The following TRIM44 variants were observed in gnomAD, a reference collection of about 807,000 sequenced individuals.
TRIM44 encodes tripartite motif containing 44.
In TRIM44, 13 loss-of-function variants were observed where a neutral mutation model predicts 37.4. The observed-to-expected ratio is 0.35, with a 90% CI of 0.23 to 0.55. The LOEUF is 0.55. TRIM44 is among the 20% of genes least tolerant of loss of function. The pLI is 0.89. For missense variants in TRIM44, 426 were observed against 437.2 expected, an observed-to-expected ratio of 0.97 and a Z score of 0.23; for synonymous variants, 175 against 157.2, an observed-to-expected ratio of 1.11 and a Z score of -0.85.
rs181859549 is a variant in TRIM44 at position 35,752,823 on chromosome 11, G to A, written c.1007+17378G>A. Among the ~76,000 whole-genome samples, 281 of 152,280 alleles carry A rather than the reference G, an allele frequency of 1.8e-3. 2 individuals are homozygous for A. Among genetic ancestry groups the A allele is most frequent in the African/African-American group, 6.5e-3 (270 of 41,558 alleles). The stretch of plus-strand genomic sequence containing the variant: ...GTTCTCTCGCTTCATCCAGGTGTCT[G>A]CTGAAATACTACTACTTTAGAATAA... On this transcript the variant is annotated intron_variant, in intron 4 of 4. Transcript: ENST00000299413.
chr11:35,780,921 A>G (rs1489122349), intron 4 of TRIM44, among the ~76,000 whole-genome samples: 1 of 152,186 alleles, frequency 6.6e-6, no homozygotes, highest in Non-Finnish European at 1.5e-5. Flanking sequence ...TACAGGGTGA[A>G]CAAATCAGAT....
chr11:35,808,917 TAGAG>T lies in TRIM44; in HGVS notation c.*2535_*2538del, dbSNP rs1275032113. 1 of 152,214 alleles carries T rather than the reference TAGAG, an allele frequency of 6.6e-6. No individual in the cohort carries two copies. Among genetic ancestry groups the T allele is most frequent in the Non-Finnish European group, 1.5e-5 (1 of 68,066 alleles). The allele number at this position is 152,214 out of a possible 1,614,324, so 9.4% of individuals were successfully genotyped here. ...TCCCTCCTGCCAGGTCAGTAAAAGTTAGAGAGCTCAGAATTGGGTCTTGCCTGGG... is the reference window on the plus strand; with the variant it reads ...TCCCTCCTGCCAGGTCAGTAAAAGTTAGCTCAGAATTGGGTCTTGCCTGGG... On this transcript the variant is annotated 3_prime_UTR_variant, in exon 5 of 5. Coordinates refer to ENST00000299413, the MANE Select transcript of TRIM44 (RefSeq NM_017583.6).
intron 2 of TRIM44, among the ~76,000 whole-genome samples, chr11:35,691,871 T>A (rs1288390718): frequency 6.6e-6 from 1 of 152,150 alleles, no homozygotes; most frequent in Non-Finnish European, 1.5e-5. Context: ...GGTCTCGATC[T>A]CCTGACCTCG....
chr11:35,762,979 C>G (rs564393711), intron 4 of TRIM44, among the ~76,000 whole-genome samples: 24 of 152,244 alleles, frequency 1.6e-4, no homozygotes, highest in African/African-American at 5.8e-4. Context: ...CTTCTTTGTG[C>G]AAGGCACTAT....
In TRIM44 at chr11:35,774,994, C is replaced by A. The variant is rs964275438; in HGVS notation, c.1008-31364C>A. Among the ~76,000 whole-genome samples the A allele has an allele frequency of 4.6e-5, 7 of 152,092 alleles. 1 individual carries two copies. The highest frequency in any genetic ancestry group is 4.1e-4 in the South Asian group (2 of 4,826). ...ATGAACTTTAAAGTAGTTTTTTCCA[C>A]TTCTGTGAAGAAAGTCATTGGTAGC... On this transcript the variant is annotated intron_variant, in intron 4 of 4. Coordinates refer to ENST00000299413, the MANE Select transcript of TRIM44 (RefSeq NM_017583.6).
intron 1 of TRIM44, among the ~76,000 whole-genome samples, chr11:35,676,523 A>G (rs1851462206): frequency 6.6e-6 from 1 of 152,208 alleles, no homozygotes; most frequent in African/African-American, 2.4e-5. Flanking sequence ...CACAGCTGGT[A>G]GGTCTAATTT....
intron 2 of TRIM44, among the ~76,000 whole-genome samples, chr11:35,713,365 G>A (rs1852002412): frequency 6.6e-6 from 1 of 152,204 alleles, no homozygotes; most frequent in Non-Finnish European, 1.5e-5. Flanking sequence ...CGAGGCTAAA[G>A]ATGCTAGTAA....
At chr11:35,675,847 C>A (rs1851454253) in intron 1 of TRIM44, among the ~76,000 whole-genome samples, 1 of 152,016 alleles carries the variant, frequency 6.6e-6, no homozygotes, top group African/African-American at 2.4e-5. Context: ...TTAAAGGGAA[C>A]TCTCGAGAAG....
intron 2 of TRIM44, among the ~76,000 whole-genome samples, chr11:35,695,186 G>A (rs1851681250): frequency 6.6e-6 from 1 of 151,994 alleles, no homozygotes; most frequent in South Asian, 2.1e-4. Flanking sequence ...TCTTCTCTAC[G>A]ACGAGTCATG....
At chr11:35,805,040 A>G (rs749661427) in intron 4 of TRIM44, among the ~76,000 whole-genome samples, 4 of 152,172 alleles carry the variant, frequency 2.6e-5, no homozygotes, top group East Asian at 1.9e-4. Flanking sequence ...CTGATGTTCT[A>G]CAGGCCTTTT....
chr11:35,741,011 G>T (rs1320651306), intron 4 of TRIM44, among the ~76,000 whole-genome samples: 2 of 152,094 alleles, frequency 1.3e-5, no homozygotes, highest in Non-Finnish European at 2.9e-5. Flanking sequence ...AGAGATGAAA[G>T]AGGACTAAGT....
chr11:35,792,285 G>C (rs1337042283), intron 4 of TRIM44, among the ~76,000 whole-genome samples: 2 of 152,088 alleles, frequency 1.3e-5, no homozygotes, highest in African/African-American at 4.8e-5. Flanking sequence ...ATATACTGTG[G>C]GTACTCAATA....
At position 35,816,374 on chromosome 11, in the gene TRIM44, A is replaced by G. The variant is rs1480107539; in HGVS notation, c.*9989A>G. The G allele has an allele frequency of 2.6e-5, 4 of 152,204 alleles. No homozygotes were observed. Among genetic ancestry groups the G allele is most frequent in the Non-Finnish European group, 5.9e-5 (4 of 68,040 alleles). The allele number at this position is 152,204 out of a possible 1,614,324, so 9.4% of individuals were successfully genotyped here. A position where few individuals can be genotyped will look rare whatever the true frequency, so the allele number is the denominator to read the frequency against. ...CACAATGTCTAACTTCAAAAAGAGT[A>G]TTTAGATCCCCCCTGGGAAGGAACA... On this transcript the variant is annotated 3_prime_UTR_variant, in exon 5 of 5. Coordinates refer to ENST00000299413, the MANE Select transcript of TRIM44 (RefSeq NM_017583.6).
intron 4 of TRIM44, among the ~76,000 whole-genome samples, chr11:35,747,540 A>G (rs1393041555): frequency 6.6e-6 from 1 of 152,206 alleles, no homozygotes; most frequent in South Asian, 2.1e-4. Context: ...GCCAGGAAAA[A>G]GTAAAGCTGA....
chr11:35,767,454 A>G (rs1852812644), intron 4 of TRIM44, among the ~76,000 whole-genome samples: 1 of 152,150 alleles, frequency 6.6e-6, no homozygotes, highest in East Asian at 1.9e-4. Context: ...ACTCTGTTCC[A>G]GGATGGAGAA....
At chr11:35,805,171 T>C (rs1853430909) in intron 4 of TRIM44, among the ~76,000 whole-genome samples, 1 of 152,152 alleles carries the variant, frequency 6.6e-6, no homozygotes, top group Admixed American at 6.5e-5. Context: ...TTCACTTTTT[T>C]CATCTGGAAA....
intron 4 of TRIM44, among the ~76,000 whole-genome samples, chr11:35,748,570 T>A (rs1211922096): frequency 2.4e-4 from 37 of 152,208 alleles, no homozygotes; most frequent in Non-Finnish European, 1.5e-5. Flanking sequence ...TCCTATTGGG[T>A]TGTATTTTTA....
At chr11:35,665,605 T>G (rs112867292) in intron 1 of TRIM44, among the ~76,000 whole-genome samples, 16,596 of 137,112 alleles carry the variant, frequency 0.12, 574 homozygotes, top group African/African-American at 0.16. Flanking sequence ...TTTTTTTTTT[T>G]TTTTTTTGAG....
rs892715800 is a variant in TRIM44 at position 35,814,320 on chromosome 11, G to C, written c.*7935G>C. 4.6e-5 allele frequency: 7 copies of C among 152,226 alleles called. No individual in the cohort carries two copies. The highest frequency in any genetic ancestry group is 1.7e-4 in the African/African-American group (7 of 41,456). 9.4% of individuals were successfully genotyped at this position (152,226 alleles called of 1,614,324 possible). ...TAGAAGAAATAATTCAGAAGCAAAA[G>C]ACACATGAAGTTATGTGGCAGTTCC... On this transcript the variant is annotated 3_prime_UTR_variant, in exon 5 of 5. Transcript: ENST00000299413.
Sources: allele counts gnomAD v4.1 joint callset (sites outside exome capture counted in the v4.1 genomes callset), GRCh38; gene constraint gnomAD v4.1.1; transcripts MANE v1.5; gene names NCBI Gene and HGNC (gene_info 2026-07-23, HGNC 2026-07-21).